CADM2: variants seen among roughly 807,000 people sequenced by gnomAD.
CADM2 encodes the protein cell adhesion molecule 2.
In CADM2, 12 loss-of-function variants were observed where a neutral mutation model predicts 49.8. The observed-to-expected ratio is 0.24, with a 90% CI of 0.15 to 0.39. The LOEUF is 0.39. CADM2 is among the 10% of genes least tolerant of loss of function. The pLI is 1.00. For synonymous variants in CADM2, 214 were observed against 175.4 expected, an observed-to-expected ratio of 1.22 and a Z score of -1.74; for missense variants, 378 against 492.3, an observed-to-expected ratio of 0.77 and a Z score of 2.20.
At chr3:85,515,577 C>A (rs2060875445) in intron 1 of CADM2, among the ~76,000 whole-genome samples, 1 of 143,536 alleles carries the variant, frequency 7.0e-6, no homozygotes. Flanking sequence ...AGAGTGCCAC[C>A]ACGCCCTACA....
chr3:86,033,345 T>C (rs531143651), intron 8 of CADM2, among the ~76,000 whole-genome samples: 2 of 152,112 alleles, frequency 1.3e-5, no homozygotes, highest in Admixed American at 1.3e-4. Context: ...AGTCCTGTTG[T>C]AAGAGAAAAA....
chr3:85,687,107 A>AT (rs1336597909), intron 1 of CADM2, among the ~76,000 whole-genome samples: 2 of 152,190 alleles, frequency 1.3e-5, no homozygotes, highest in African/African-American at 4.8e-5. Context: ...TTTATGTCAA[A>AT]TATCTACTTA....
At chr3:85,702,021 TGATA>T (rs1310911712) in intron 1 of CADM2, among the ~76,000 whole-genome samples, 55 of 150,080 alleles carry the variant, frequency 3.7e-4, no homozygotes, top group African/African-American at 8.4e-4. Flanking sequence ...GATAGATAGT[TGATA>T]GATAGATAGA....
intron 6 of CADM2, among the ~76,000 whole-genome samples, chr3:85,918,615 C>CT (rs1412276023): frequency 1.3e-5 from 2 of 152,000 alleles, no homozygotes; most frequent in African/African-American, 2.4e-5. Flanking sequence ...CTAAAATTCT[C>CT]TTTTTTTGTT....
At chr3:85,793,386 AG>A (rs1270873652) in intron 2 of CADM2, among the ~76,000 whole-genome samples, 1 of 152,298 alleles carries the variant, frequency 6.6e-6, no homozygotes, top group Admixed American at 6.5e-5. Context: ...AGAGGAAAAA[AG>A]GGAGCCTATT....
At chr3:85,175,821 G>T (rs1334950961) in intron 1 of CADM2, among the ~76,000 whole-genome samples, 1 of 151,414 alleles carries the variant, frequency 6.6e-6, no homozygotes, top group South Asian at 2.1e-4. Context: ...ACAAGAAGCG[G>T]AGTAACAAGA....
At chr3:85,632,131 A>C (rs1345346975) in intron 1 of CADM2, among the ~76,000 whole-genome samples, 1 of 152,062 alleles carries the variant, frequency 6.6e-6, no homozygotes, top group Non-Finnish European at 1.5e-5. Flanking sequence ...TGATTGAATC[A>C]CAGGGGCGGG....
intron 1 of CADM2, among the ~76,000 whole-genome samples, chr3:85,426,577 A>C (rs1345016829): frequency 6.6e-6 from 1 of 152,178 alleles, no homozygotes; most frequent in East Asian, 1.9e-4. Flanking sequence ...ATAATCACAT[A>C]ATGGAGAATA....
chr3:85,757,556 A>C (rs1459322309), intron 2 of CADM2, among the ~76,000 whole-genome samples: 2 of 152,162 alleles, frequency 1.3e-5, no homozygotes, highest in Non-Finnish European at 2.9e-5. Flanking sequence ...AAAAACTGGA[A>C]TAGGCACTAA....
At chr3:85,197,676 TA>T (rs2041376771) in intron 1 of CADM2, among the ~76,000 whole-genome samples, 1 of 151,994 alleles carries the variant, frequency 6.6e-6, no homozygotes, top group Non-Finnish European at 1.5e-5. Context: ...TTGGGGGATT[TA>T]ATATACCCAA....
intron 8 of CADM2, among the ~76,000 whole-genome samples, chr3:86,064,358 T>C (rs1003143538): frequency 5.3e-5 from 8 of 152,280 alleles, no homozygotes; most frequent in Middle Eastern, 3.4e-3. Context: ...TCCAGCTTCA[T>C]CCATGTCCCT....
chr3:85,468,010 C>T (rs1302073061), intron 1 of CADM2, among the ~76,000 whole-genome samples: 2 of 151,662 alleles, frequency 1.3e-5, no homozygotes, highest in African/African-American at 2.4e-5. Flanking sequence ...AAAAATTAGC[C>T]GGGCGCAGTG....
intron 1 of CADM2, among the ~76,000 whole-genome samples, chr3:85,658,979 G>A (rs1020168408): frequency 8.6e-5 from 13 of 150,904 alleles, no homozygotes; most frequent in African/African-American, 3.2e-4. Flanking sequence ...TTAAGACCAG[G>A]AGCTTAAGGC....
chr3:85,564,924 A>C (rs17023016), intron 1 of CADM2, among the ~76,000 whole-genome samples: 46,504 of 151,940 alleles, frequency 0.31, 8,113 homozygotes, highest in East Asian at 0.55. Context: ...AAGATTATAA[A>C]AACTTCAGCA....
chr3:85,864,820 A>T (rs1304329351), intron 3 of CADM2, among the ~76,000 whole-genome samples: 1 of 152,182 alleles, frequency 6.6e-6, no homozygotes, highest in Non-Finnish European at 1.5e-5. Context: ...ATTATTTTTT[A>T]TGCAATTTTC....
chr3:85,424,094 C>T (rs1220445554), intron 1 of CADM2, among the ~76,000 whole-genome samples: 1 of 151,866 alleles, frequency 6.6e-6, no homozygotes. Flanking sequence ...TAAAATATTG[C>T]CAATAAACTA....
chr3:85,930,425 C>G (rs926427138), intron 6 of CADM2, among the ~76,000 whole-genome samples: 1 of 152,108 alleles, frequency 6.6e-6, no homozygotes, highest in African/African-American at 2.4e-5. Context: ...TCTATCCCCT[C>G]AAGCATTTAT....
chr3:85,525,257 T>G (rs182022323), intron 1 of CADM2, among the ~76,000 whole-genome samples: 117 of 152,204 alleles, frequency 7.7e-4, no homozygotes, highest in Non-Finnish European at 1.6e-3. Context: ...GTATTCAGCA[T>G]CCAATTTCTT....
chr3:85,308,961 A>G (rs1445606049), intron 1 of CADM2, among the ~76,000 whole-genome samples: 6 of 152,102 alleles, frequency 3.9e-5, no homozygotes, highest in South Asian at 2.1e-4. Flanking sequence ...ACAACGGACA[A>G]CAGACACTGA....
Sources: allele counts gnomAD v4.1 joint callset (sites outside exome capture counted in the v4.1 genomes callset), GRCh38; gene constraint gnomAD v4.1.1; transcripts MANE v1.5; gene names NCBI Gene and HGNC (gene_info 2026-07-23, HGNC 2026-07-21).